Variants in EML1 observed in about 807,000 individuals in gnomAD.
EML1 encodes echinoderm microtubule-associated protein-like 1.
Under a neutral mutation model 110.4 loss-of-function variants are expected in EML1, and 27 were observed. The ratio of observed to expected loss-of-function variants is 0.24; its 90% CI spans 0.18 to 0.34. The LOEUF is 0.34. Ranked by LOEUF, EML1 falls within the 10% of genes least tolerant of loss-of-function variation. EML1 has a pLI of 1.00. For missense variants in EML1, 741 were observed against 1,030.9 expected (o/e 0.72, Z 3.85); for synonymous variants, 344 against 385.8 (o/e 0.89, Z 1.27).
At chr14:99,900,299 T>C (rs2059742106) in intron 8 of EML1, among the ~76,000 whole-genome samples, 1 of 150,910 alleles carries the variant, frequency 6.6e-6, no homozygotes, top group South Asian at 2.1e-4. Context: ...AGCGATTTCC[T>C]GCCTCAGCCT....
At chr14:99,867,262 AG>A (rs1295930005) in intron 3 of EML1, among the ~76,000 whole-genome samples, 11 of 152,318 alleles carry the variant, frequency 7.2e-5, no homozygotes, top group Admixed American at 2.0e-4. Context: ...AGGAAATGGG[AG>A]GCCCCCAACT....
chr14:99,815,755 G>T (rs1387492730), intron 1 of EML1, among the ~76,000 whole-genome samples: 1 of 152,082 alleles, frequency 6.6e-6, no homozygotes, highest in Non-Finnish European at 1.5e-5. Context: ...TGAGCTAAGG[G>T]GATTTTTAGG....
chr14:99,877,095 A>G (rs972993251), intron 3 of EML1, among the ~76,000 whole-genome samples: 3 of 152,148 alleles, frequency 2.0e-5, no homozygotes, highest in Non-Finnish European at 4.4e-5. Context: ...ATGTCTCACC[A>G]TCCTGGAGGC....
chr14:99,920,625 A>T (rs2060114060), intron 16 of EML1, among the ~76,000 whole-genome samples, 164 bp from the exon 17 acceptor site: 1 of 152,240 alleles, frequency 6.6e-6, no homozygotes, highest in East Asian at 1.9e-4. Context: ...GCTTATATAT[A>T]GGAAATTTTC....
chr14:99,822,137 A>G (rs59245274), intron 1 of EML1, among the ~76,000 whole-genome samples: 1,567 of 152,350 alleles, frequency 0.01, 30 homozygotes, highest in African/African-American at 0.036. Context: ...CTGATGTCCT[A>G]CCAGAGGGCA....
At chr14:99,893,703 G>A (rs901443204) in intron 5 of EML1, among the ~76,000 whole-genome samples, 1 of 152,206 alleles carries the variant, frequency 6.6e-6, no homozygotes, top group African/African-American at 2.4e-5. Flanking sequence ...GTTGTGTACA[G>A]GTATCCCTGG....
At chr14:99,750,890 G>T (rs1323511245) in intron 1 of EML1, among the ~76,000 whole-genome samples, 1 of 152,044 alleles carries the variant, frequency 6.6e-6, no homozygotes, top group Admixed American at 6.6e-5. Context: ...TGGGGGAGAG[G>T]TCTCCCTGCT....
At chr14:99,888,928 C>T (rs1312640258) in intron 4 of EML1, among the ~76,000 whole-genome samples, 4 of 152,064 alleles carry the variant, frequency 2.6e-5, no homozygotes, top group Non-Finnish European at 5.9e-5. Context: ...TCTGGGCACA[C>T]GAGAACCCTC....
intron 16 of EML1, among the ~76,000 whole-genome samples, chr14:99,918,956 C>T (rs767919936): frequency 5.9e-5 from 9 of 152,176 alleles, no homozygotes; most frequent in Non-Finnish European, 1.0e-4. Context: ...GATGGTGGGT[C>T]TGCGTTTGCA....
intron 5 of EML1, among the ~76,000 whole-genome samples, chr14:99,891,431 A>G (rs1025527176): frequency 3.9e-5 from 6 of 152,198 alleles, no homozygotes; most frequent in Non-Finnish European, 8.8e-5. Flanking sequence ...CATAAAGAGC[A>G]AACCCTTCAC....
chr14:99,887,824 G>A (rs1191105), intron 4 of EML1, among the ~76,000 whole-genome samples: 2,626 of 152,266 alleles, frequency 0.017, 26 homozygotes, highest in Non-Finnish European at 0.027. Flanking sequence ...GAGAGGCCAC[G>A]GTGGCTTCAA....
chr14:99,741,778 C>G (rs774025872), intron 1 of EML1, among the ~76,000 whole-genome samples: 1 of 152,168 alleles, frequency 6.6e-6, no homozygotes, highest in Non-Finnish European at 1.5e-5. Context: ...CCAAGGAGGT[C>G]GCACTGCTCT....
In EML1 at chr14:99,872,389, G is replaced by A. The variant is rs528068581; in HGVS notation, c.384-6096G>A. 9.8e-5 allele frequency among the ~76,000 whole-genome samples: 15 copies of A among 152,316 alleles called. 1 individual carries two copies. The South Asian group carries it at 1.7e-3, about 17-fold the overall frequency. ...CATCGTGTTATATCTAAGTGTGTAC[G>A]TGTGTGTGCTAGCACTTAAATGGTA... is the stretch of plus-strand genomic sequence containing the variant. On this transcript the variant is annotated intron_variant, in intron 3 of 21. Transcript: ENST00000262233.
At chr14:99,891,580 T>C (rs2059588597) in intron 5 of EML1, among the ~76,000 whole-genome samples, 1 of 152,250 alleles carries the variant, frequency 6.6e-6, no homozygotes, top group Non-Finnish European at 1.5e-5. Flanking sequence ...GATTCTGTTA[T>C]CAACATTTGC....
intron 16 of EML1, among the ~76,000 whole-genome samples, chr14:99,919,673 C>T (rs1341476140): frequency 2.0e-5 from 3 of 152,274 alleles, no homozygotes; most frequent in African/African-American, 7.2e-5. Flanking sequence ...GTACCTCTTG[C>T]CATTCAGGTC....
intron 1 of EML1, among the ~76,000 whole-genome samples, chr14:99,811,882 A>G (rs1190570825): frequency 1.3e-5 from 2 of 151,774 alleles, no homozygotes; most frequent in Non-Finnish European, 2.9e-5. Context: ...GAGAAAATAC[A>G]TGTACTATTC....
At chr14:99,913,164 G>GTTATATTATTA (rs1555403946) in intron 13 of EML1, among the ~76,000 whole-genome samples, 1 of 100,574 alleles carries the variant, frequency 9.9e-6, no homozygotes, top group Non-Finnish European at 2.0e-5. Flanking sequence ...TTATGGCAGT[G>GTTATATTATTA]TTATTATTAT....
intron 2 of EML1, among the ~76,000 whole-genome samples, chr14:99,851,829 G>A (rs1037003686): frequency 6.6e-6 from 1 of 152,014 alleles, no homozygotes; most frequent in Non-Finnish European, 1.5e-5. Flanking sequence ...CAGAGGTGGC[G>A]GGCCTCCCTC....
Position 99,845,993 on chromosome 14 carries a change from T to C in EML1, c.68-4860T>C, listed in dbSNP as rs1321463450. Among the ~76,000 whole-genome samples the C allele has an allele frequency of 2.1e-5, 3 of 144,948 alleles. No individual in the cohort carries two copies. In the East Asian group the frequency reaches 6.2e-4, roughly 30 times the overall value. The stretch of plus-strand genomic sequence containing the variant: ...TGAACCCAGGAGGCGGCGGTTGCAG[T>C]GAGCTGAGATCACGCCACTGCACTC... On this transcript the variant is annotated intron_variant, in intron 1 of 21. Transcript: ENST00000262233.
Sources: gnomAD v4.1 joint callset for allele counts (sites outside exome capture counted in the v4.1 genomes callset) on GRCh38, gnomAD v4.1.1 for gene constraint, MANE v1.5 for transcripts, NCBI Gene and HGNC (gene_info 2026-07-23, HGNC 2026-07-21) for gene names.